The following WWOX variants were observed in gnomAD, a reference collection of about 807,000 sequenced individuals.
The protein encoded by WWOX is WW domain containing oxidoreductase.
A neutral mutation model predicts 46.2 loss-of-function variants in WWOX; 69 were observed. The ratio of observed to expected loss-of-function variants is 1.49; its 90% CI spans 1.23 to 1.82. The LOEUF is 1.82. WWOX is among the 40% of genes most tolerant of loss of function. WWOX has a pLI of 0.00. For synonymous variants in WWOX, 359 were observed against 202.6 expected (o/e 1.77, Z -6.56); for missense variants, 919 against 542.6 (o/e 1.69, Z -6.89).
At chr16:79,049,638 C>G (rs2048129119) in intron 8 of WWOX, among the ~76,000 whole-genome samples, 1 of 152,060 alleles carries the variant, frequency 6.6e-6, no homozygotes, top group African/African-American at 2.4e-5. Context: ...GAGTTCAAGA[C>G]CAGCCTGGCC....
chr16:79,070,292 G>C (rs2048525092), intron 8 of WWOX, among the ~76,000 whole-genome samples: 1 of 151,950 alleles, frequency 6.6e-6, no homozygotes, highest in African/African-American at 2.4e-5. Flanking sequence ...GTGTGTGTGT[G>C]TGTGTGTGTG....
intron 8 of WWOX, among the ~76,000 whole-genome samples, chr16:79,008,049 G>A (rs190985933): frequency 6.6e-6 from 1 of 152,322 alleles, no homozygotes; most frequent in African/African-American, 2.4e-5. Flanking sequence ...AGGGTCTCAT[G>A]AGGCTGAAAT....
At chr16:78,199,311 TCAAACAAACAAACAAA>T (rs35182566) in intron 5 of WWOX, among the ~76,000 whole-genome samples, 3 of 150,674 alleles carry the variant, frequency 2.0e-5, no homozygotes, top group African/African-American at 7.3e-5. Context: ...AGACTCCATC[TCAAACAAACAAACAAA>T]CAAACAAACA....
intron 8 of WWOX, among the ~76,000 whole-genome samples, chr16:78,762,125 A>G (rs1378267146): frequency 3.3e-5 from 5 of 152,296 alleles, no homozygotes; most frequent in African/African-American, 9.6e-5. Context: ...AGGTATGGCT[A>G]ATCATTTCCA....
chr16:78,275,259 G>C (rs1289927747), intron 5 of WWOX, among the ~76,000 whole-genome samples: 3 of 152,030 alleles, frequency 2.0e-5, no homozygotes, highest in African/African-American at 4.8e-5. Flanking sequence ...CTGGATTCTT[G>C]GTTTCTCTTA....
chr16:78,957,672 A>C (rs1335516893), intron 8 of WWOX, among the ~76,000 whole-genome samples: 1 of 152,166 alleles, frequency 6.6e-6, no homozygotes, highest in African/African-American at 2.4e-5. Context: ...ACTTAAGTCA[A>C]GGGATTTTCA....
chr16:78,894,886 C>A (rs553969041), intron 8 of WWOX, among the ~76,000 whole-genome samples: 1 of 152,124 alleles, frequency 6.6e-6, no homozygotes, highest in African/African-American at 2.4e-5. Context: ...TAACTCAGTT[C>A]TCGGAATTTT....
At chr16:78,388,132 G>C (rs768459778) in intron 6 of WWOX, among the ~76,000 whole-genome samples, 2 of 152,298 alleles carry the variant, frequency 1.3e-5, no homozygotes, top group African/African-American at 2.4e-5. Context: ...GTGGGCCCAA[G>C]TGATTTTCCT....
chr16:78,480,147 AAATT>A (rs2084451845), intron 8 of WWOX, among the ~76,000 whole-genome samples: 1 of 152,206 alleles, frequency 6.6e-6, no homozygotes, highest in Non-Finnish European at 1.5e-5. Flanking sequence ...ATTAAAATGT[AAATT>A]AATTAAAATT....
intron 8 of WWOX, chr16:79,203,421 C>G (rs1258641359): frequency 6.6e-6 from 1 of 151,948 alleles, no homozygotes; most frequent in African/African-American, 2.4e-5. Context: ...AAAGTACATC[C>G]TCTTAATTTG....
intron 8 of WWOX, among the ~76,000 whole-genome samples, chr16:78,984,635 T>C (rs1439459196): frequency 6.6e-6 from 1 of 152,232 alleles, no homozygotes; most frequent in Non-Finnish European, 1.5e-5. Context: ...TGTTTCTGTC[T>C]CAACTGGTTG....
At chr16:79,112,503 T>G (rs144641456) in intron 8 of WWOX, among the ~76,000 whole-genome samples, 1 of 152,236 alleles carries the variant, frequency 6.6e-6, no homozygotes, top group Admixed American at 6.5e-5. Context: ...TCCCCCACCC[T>G]GCGAGTTCTT....
rs936203706 is a variant in WWOX at position 78,147,034 on chromosome 16, A to G, written c.410-17149A>G. ...TGTCAGCATTATTTTTTTAAAGACC[A>G]AAACAACAATAGTAACAAACACACA... On this transcript the variant is annotated intron_variant, in intron 4 of 8. Coordinates refer to ENST00000566780, the MANE Select transcript of WWOX (RefSeq NM_016373.4). 1.1e-4 allele frequency among the ~76,000 whole-genome samples: 16 copies of G among 152,198 alleles called. 1 individual carries two copies. Among genetic ancestry groups the G allele is most frequent in the Admixed American group, 3.9e-4 (6 of 15,276 alleles).
intron 4 of WWOX, among the ~76,000 whole-genome samples, chr16:78,117,807 G>A (rs2032880432): frequency 6.6e-6 from 1 of 152,176 alleles, no homozygotes; most frequent in Non-Finnish European, 1.5e-5. Context: ...CTTTAATGGT[G>A]TTGGTGTTCC....
chr16:78,424,612 G>C (rs999076853), intron 6 of WWOX, among the ~76,000 whole-genome samples: 18 of 152,310 alleles, frequency 1.2e-4, no homozygotes, highest in Non-Finnish European at 4.4e-5. Context: ...CACACTGAAA[G>C]TTCCGTATCC....
chr16:78,711,693 C>A (rs8060202), intron 8 of WWOX, among the ~76,000 whole-genome samples: 2 of 151,908 alleles, frequency 1.3e-5, no homozygotes, highest in Non-Finnish European at 2.9e-5. Context: ...CATAAGGGGA[C>A]GCAGCACAGT....
chr16:78,296,198 T>C (rs2079941249), intron 5 of WWOX, among the ~76,000 whole-genome samples: 1 of 152,194 alleles, frequency 6.6e-6, no homozygotes, highest in Non-Finnish European at 1.5e-5. Flanking sequence ...TTTGAATGTC[T>C]TTTTCTTCAC....
chr16:79,070,184 G>C (rs1416441881), intron 8 of WWOX, among the ~76,000 whole-genome samples: 1 of 152,028 alleles, frequency 6.6e-6, no homozygotes, highest in Non-Finnish European at 1.5e-5. Context: ...AGTGCCTAAT[G>C]TTTATAAAAC....
chr16:78,663,446 T>C (rs1323523056), intron 8 of WWOX, among the ~76,000 whole-genome samples: 1 of 152,232 alleles, frequency 6.6e-6, no homozygotes, highest in Admixed American at 6.5e-5. Flanking sequence ...TCCCACTTTC[T>C]GGCTATTATG....
Sources: allele counts gnomAD v4.1 joint callset (sites outside exome capture counted in the v4.1 genomes callset), GRCh38; gene constraint gnomAD v4.1.1; transcripts MANE v1.5; gene names NCBI Gene and HGNC (gene_info 2026-07-23, HGNC 2026-07-21).